Variants in CTDSP2 observed in about 807,000 individuals in gnomAD.
CTDSP2 encodes the protein carboxy-terminal domain RNA polymerase II polypeptide A small phosphatase 2.
A neutral mutation model predicts 31.6 loss-of-function variants in CTDSP2; 9 were observed. That is an observed-to-expected ratio of 0.28 (90% CI 0.17 to 0.50). CTDSP2 has a LOEUF of 0.50. CTDSP2 is among the 20% of genes least tolerant of loss of function. The pLI is 0.98. For missense variants in CTDSP2, 267 were observed against 348.5 expected (o/e 0.77, Z 1.86); for synonymous variants, 134 against 134.5 (o/e 1.00, Z 0.03).
chr12:57,821,318 G>A lies in CTDSP2; in HGVS notation c.*2284C>T, dbSNP rs1956143666. ...TAAAAAGCAGGGGCTTCATGCAGAT[G>A]CAGCAGGGACACTCCCACCAAGCCA... is the stretch of plus-strand genomic sequence containing the variant. On this transcript the variant is annotated 3_prime_UTR_variant, in exon 8 of 8. Coordinates refer to ENST00000398073, the MANE Select transcript of CTDSP2 (RefSeq NM_005730.4). 1 of 152,316 alleles carries A rather than the reference G, an allele frequency of 6.6e-6. No homozygotes were observed. The highest frequency in any genetic ancestry group is 6.5e-5 in the Admixed American group (1 of 15,290). The allele number at this position is 152,316 out of a possible 1,614,324, so 9.4% of individuals were successfully genotyped here.
Position 57,829,589 on chromosome 12 carries a change from G to A in CTDSP2, c.72C>T (p.Val24=). ...GAGGCTTCTTAGGAGAGGACTTGGA[G>A]ACCAGGCCTAGGGTGGAGAGAATGA... ...DALVLTKQGL[V]SKSSPKKPRG... The change falls in exon 2 of 8, where the codon GTC becomes GTT. Residue 24 remains valine, a synonymous_variant. Coordinates refer to ENST00000398073, the MANE Select transcript of CTDSP2 (RefSeq NM_005730.4). The A allele has an allele frequency of 6.2e-7, 1 of 1,614,116 alleles. No individual in the cohort carries two copies. Among genetic ancestry groups the A allele is most frequent in the Non-Finnish European group, 8.5e-7 (1 of 1,179,962 alleles).
At chr12:57,829,970 C>T (rs1452815517) in intron 1 of CTDSP2, among the ~76,000 whole-genome samples, 1 of 152,158 alleles carries the variant, frequency 6.6e-6, no homozygotes, top group Non-Finnish European at 1.5e-5. Flanking sequence ...GGAAGACCAT[C>T]GGTTCCAGAC....
chr12:57,846,283 G>A (rs1956315666), intron 1 of CTDSP2, 89 bp downstream of exon 1: 2 of 1,264,330 alleles, frequency 1.6e-6, no homozygotes, highest in African/African-American at 1.5e-5. Flanking sequence ...AAGCCCTGGA[G>A]GTCAAGGGCC....
At chr12:57,824,769 G>A (rs1956172558) in intron 5 of CTDSP2, 1 of 482,156 alleles carries the variant, frequency 2.1e-6, no homozygotes, top group African/African-American at 2.0e-5. Flanking sequence ...TTGCACCAGG[G>A]AGAAGTGACT....
chr12:57,844,380 A>C (rs962123155), intron 1 of CTDSP2, among the ~76,000 whole-genome samples: 2 of 152,110 alleles, frequency 1.3e-5, no homozygotes, highest in Non-Finnish European at 2.9e-5. Context: ...TGGTGGATGA[A>C]ACTTCCAGCT....
chr12:57,831,614 G>A (rs1476572282), intron 1 of CTDSP2, among the ~76,000 whole-genome samples: 3 of 152,122 alleles, frequency 2.0e-5, no homozygotes, highest in African/African-American at 7.2e-5. Context: ...TTCTCCAGAG[G>A]GTCTTGAGTT....
chr12:57,846,381 T>A lies in CTDSP2; in HGVS notation c.55A>T (p.Thr19Ser), dbSNP rs1485793872. 16 of 1,608,424 alleles carry A rather than the reference T, an allele frequency of 9.9e-6. No homozygotes were observed. Among genetic ancestry groups the A allele is most frequent in the Non-Finnish European group, 1.2e-5 (14 of 1,177,680 alleles). ...AAGTTGCTGCCCCTACCTTGCTTGG[T>A]GAGCACCAGGGCGTCTTCCCTCCGC... ...QARREDALVL[T>S]KQGLVSKSSP... The change falls in exon 1 of 8, where the codon ACC (threonine) becomes TCC (serine). Residue 19 changes from threonine (T) to serine (S), a missense_variant. Transcript: ENST00000398073.
chr12:57,824,145 C>G lies in CTDSP2; in HGVS notation c.505-56G>C. 3.1e-6 allele frequency: 5 copies of G among 1,611,368 alleles called. No individual in the cohort carries two copies. In the South Asian group the frequency reaches 5.5e-5, roughly 18 times the overall value. On this transcript the variant is annotated intron_variant, in intron 6 of 7. Transcript: ENST00000398073. ...TACACTCCTGGTCCTCCTGTATAAC[C>G]CTAGGGACCAAAAGGGAGCTGCTGG...
intron 1 of CTDSP2, among the ~76,000 whole-genome samples, chr12:57,841,085 T>G (rs999663303): frequency 6.6e-6 from 1 of 152,218 alleles, no homozygotes; most frequent in Non-Finnish European, 1.5e-5. Context: ...GATTTGCGTG[T>G]TAATGTGCTC....
At chr12:57,830,288 G>A (rs1459762423) in intron 1 of CTDSP2, among the ~76,000 whole-genome samples, 1 of 152,174 alleles carries the variant, frequency 6.6e-6, no homozygotes, top group African/African-American at 2.4e-5. Flanking sequence ...GGGAGGCTGA[G>A]GCAGGAGAAT....
chr12:57,824,963 C>G (rs781378973), intron 5 of CTDSP2, among the ~76,000 whole-genome samples: 100 of 152,300 alleles, frequency 6.6e-4, no homozygotes, highest in Middle Eastern at 3.4e-3. Flanking sequence ...TTCCATGACT[C>G]TAGCCTACAC....
chr12:57,840,521 C>A (rs1265465803), intron 1 of CTDSP2, among the ~76,000 whole-genome samples: 1 of 152,108 alleles, frequency 6.6e-6, no homozygotes, highest in African/African-American at 2.4e-5. Flanking sequence ...AAAGAGGGGT[C>A]CTAGCTCTAT....
rs936530582 is a variant in CTDSP2 at position 57,826,164 on chromosome 12, CTT to C, written c.411+180_411+181del. Among the ~76,000 whole-genome samples the C allele has an allele frequency of 9.2e-5, 14 of 152,198 alleles. 1 individual carries two copies. The South Asian group carries it at 2.9e-3, about 32-fold the overall frequency. On this transcript the variant is annotated intron_variant, in intron 5 of 7. Transcript: ENST00000398073. ...CTGGGTGGGATATGGGGCTGAAACT[CTT>C]TTTTTAAGGTGAGAAAGCCTTGAGT...
In CTDSP2 at chr12:57,829,476, T is replaced by C. The variant is rs1956202052; in HGVS notation, c.185A>G (p.Tyr62Cys). 1 of 1,614,122 alleles carries C rather than the reference T, an allele frequency of 6.2e-7. No homozygotes were observed. Among genetic ancestry groups the C allele is most frequent in the East Asian group, 2.2e-5 (1 of 44,886 alleles). ...QSSSSTELAA[Y>C]KEEANTIAKS... ...AGCAATGGTGTTTGCTTCCTCCTTA[T>C]ACGCAGCGAGCTCAGTGGAGGAACT... The change falls in exon 2 of 8, where the codon TAT becomes TGT. Residue 62 changes from tyrosine (Y) to cysteine (C), a missense_variant. Coordinates refer to ENST00000398073, the MANE Select transcript of CTDSP2 (RefSeq NM_005730.4).
At chr12:57,840,376 G>A (rs1565849076) in intron 1 of CTDSP2, among the ~76,000 whole-genome samples, 1 of 152,206 alleles carries the variant, frequency 6.6e-6, no homozygotes, top group Non-Finnish European at 1.5e-5. Context: ...CACCGTACCT[G>A]ACTGGCTCAG....
intron 1 of CTDSP2, among the ~76,000 whole-genome samples, chr12:57,836,135 G>T (rs1956246268): frequency 6.6e-6 from 1 of 152,146 alleles, no homozygotes; most frequent in Non-Finnish European, 1.5e-5. Context: ...GAAGATGAGG[G>T]AAAGGTGCCT....
At chr12:57,830,877 T>C (rs907471939) in intron 1 of CTDSP2, among the ~76,000 whole-genome samples, 1 of 151,804 alleles carries the variant, frequency 6.6e-6, no homozygotes, top group Non-Finnish European at 1.5e-5. Context: ...GCCTCCTGAG[T>C]AGCTGGGGTT....
At chr12:57,843,024 G>A (rs1956292050) in intron 1 of CTDSP2, among the ~76,000 whole-genome samples, 1 of 152,156 alleles carries the variant, frequency 6.6e-6, no homozygotes, top group Admixed American at 6.5e-5. Context: ...TTAGCTATCA[G>A]AACCTGTCCA....
At chr12:57,827,318 G>T in intron 3 of CTDSP2, 1 of 629,136 alleles carries the variant, frequency 1.6e-6, no homozygotes, top group South Asian at 1.9e-5. Context: ...GGTGGCCAGG[G>T]CAGGTGTGGG....
Sources: gnomAD v4.1 joint callset for allele counts (sites outside exome capture counted in the v4.1 genomes callset) on GRCh38, gnomAD v4.1.1 for gene constraint, MANE v1.5 for transcripts, NCBI Gene and HGNC (gene_info 2026-07-23, HGNC 2026-07-21) for gene names.